ACBD6: variants seen among roughly 807,000 people sequenced by gnomAD.
ACBD6 encodes the protein acyl-CoA binding domain containing 6, also known as acyl-CoA-binding domain-containing protein 6.
A neutral mutation model predicts 37.2 loss-of-function variants in ACBD6; 28 were observed. That is an observed-to-expected ratio of 0.75 (90% CI 0.56 to 1.03). The LOEUF (loss-of-function observed/expected upper bound fraction) is 1.03. Among genes scored for constraint, ACBD6 ranks in the 50% least tolerant of loss-of-function variants. The pLI is 0.00. For missense variants in ACBD6, 340 were observed against 337.4 expected (o/e 1.01, Z -0.06); for synonymous variants, 113 against 126.8 (o/e 0.89, Z 0.73).
At chr1:180,333,389 G>A (rs534173711) in intron 6 of ACBD6, among the ~76,000 whole-genome samples, 2 of 152,244 alleles carry the variant, frequency 1.3e-5, no homozygotes, top group African/African-American at 4.8e-5. Context: ...ATATGCTATT[G>A]CATGCTCATG....
intron 6 of ACBD6, among the ~76,000 whole-genome samples, chr1:180,381,537 T>G (rs1211162901): frequency 6.6e-6 from 1 of 152,064 alleles, no homozygotes; most frequent in Non-Finnish European, 1.5e-5. Context: ...CACAATGGAA[T>G]AAAACTAGAA....
intron 13 of ACBD6, chr1:180,272,070 T>C: frequency 6.1e-6 from 9 of 1,475,968 alleles, no homozygotes; most frequent in Non-Finnish European, 8.3e-6. Context: ...CTGTAATCCC[T>C]GGCACTCAGG....
chr1:180,319,935 TG>T (rs1315335043), intron 6 of ACBD6, among the ~76,000 whole-genome samples: 11 of 152,242 alleles, frequency 7.2e-5, no homozygotes, highest in African/African-American at 2.7e-4. Flanking sequence ...CTCCAAATCC[TG>T]GCTATTGCAA....
At chr1:180,375,460 G>C (rs1653398360) in intron 6 of ACBD6, among the ~76,000 whole-genome samples, 1 of 152,088 alleles carries the variant, frequency 6.6e-6, no homozygotes, top group Non-Finnish European at 1.5e-5. Flanking sequence ...TGAGTAGCTG[G>C]GACGAGAGGT....
At chr1:180,387,948 G>A (rs1216729710) in intron 6 of ACBD6, among the ~76,000 whole-genome samples, 3 of 151,996 alleles carry the variant, frequency 2.0e-5, no homozygotes, top group Non-Finnish European at 4.4e-5. Context: ...GGCCGAGGCG[G>A]GCAGATCACA....
chr1:180,428,433 T>C (rs914640172), intron 4 of ACBD6, among the ~76,000 whole-genome samples: 1 of 152,242 alleles, frequency 6.6e-6, no homozygotes, highest in Non-Finnish European at 1.5e-5. Context: ...TGTATTATTC[T>C]TTGTCATTGT....
intron 3 of ACBD6, among the ~76,000 whole-genome samples, chr1:180,450,869 G>T (rs369415536): frequency 6.6e-6 from 1 of 152,050 alleles, no homozygotes; most frequent in African/African-American, 2.4e-5. Context: ...AAACAATAAC[G>T]ATACCAAAAC....
chr1:180,435,764 T>C lies in ACBD6; in HGVS notation c.385-5502A>G, dbSNP rs74132846. On this transcript the variant is annotated intron_variant, in intron 3 of 7. Transcript: ENST00000367595. ...CACGCACTTCAGAATAGCAGCCAAG[T>C]ATCAGATTGACTCTGACAGCTGCTT... 424 of 855,122 alleles carry C rather than the reference T, an allele frequency of 5.0e-4. 1 individual carries two copies. The African/African-American group carries it at 6.4e-3, about 13-fold the overall frequency. The allele number at this position is 855,122 out of a possible 1,614,324, so 53.0% of individuals were successfully genotyped here.
At chr1:180,443,769 C>T (rs192878539) in intron 3 of ACBD6, among the ~76,000 whole-genome samples, 5,390 of 136,786 alleles carry the variant, frequency 0.039, 105 homozygotes, top group South Asian at 0.074. Flanking sequence ...CCCGCCACCA[C>T]GCCCAGCTAA....
intron 7 of ACBD6, among the ~76,000 whole-genome samples, chr1:180,296,192 T>C (rs1005414499): frequency 7.9e-5 from 12 of 152,152 alleles, no homozygotes; most frequent in African/African-American, 1.9e-4. Context: ...CAAAGTCTAA[T>C]CCACAGCAAG....
chr1:180,442,099 G>A (rs188701873), intron 3 of ACBD6, among the ~76,000 whole-genome samples: 4 of 152,316 alleles, frequency 2.6e-5, no homozygotes, highest in African/African-American at 9.6e-5. Context: ...ATTGACTTCA[G>A]ATTTCTGAAA....
chr1:180,492,451 C>T lies in ACBD6; in HGVS notation c.288-86G>A, dbSNP rs1279815305. On this transcript the variant is annotated intron_variant, in intron 2 of 7. Coordinates refer to ENST00000367595, the MANE Select transcript of ACBD6 (RefSeq NM_032360.4). ...CTTATTATTAAAAAAACTGTATGCA[C>T]ATTTCAAGGGTCTCTGAATATAGAG... The T allele has an allele frequency of 4.0e-6, 4 of 998,662 alleles. No individual in the cohort carries two copies. The Admixed American group carries it at 7.3e-5, about 18-fold the overall frequency. The allele number at this position is 998,662 out of a possible 1,614,324, so 61.9% of individuals were successfully genotyped here. A position where few individuals can be genotyped will look rare whatever the true frequency, so the allele number is the denominator to read the frequency against.
At chr1:180,312,023 C>T (rs747179290) in intron 7 of ACBD6, among the ~76,000 whole-genome samples, 7 of 152,142 alleles carry the variant, frequency 4.6e-5, no homozygotes, top group African/African-American at 9.7e-5. Context: ...AGAACAAGTC[C>T]TTCTTTCTTG....
intron 6 of ACBD6, among the ~76,000 whole-genome samples, chr1:180,319,450 G>A (rs1650966040): frequency 6.6e-6 from 1 of 152,182 alleles, no homozygotes; most frequent in Admixed American, 6.5e-5. Context: ...TTCACATCAT[G>A]ATAAATGGGG....
At chr1:180,337,113 C>A (rs1651754099) in intron 6 of ACBD6, among the ~76,000 whole-genome samples, 1 of 152,090 alleles carries the variant, frequency 6.6e-6, no homozygotes. Flanking sequence ...GAAACTATTC[C>A]AATTAATAGA....
intron 3 of ACBD6, among the ~76,000 whole-genome samples, chr1:180,434,028 CA>C (rs766953210): frequency 2.6e-5 from 4 of 152,032 alleles, no homozygotes; most frequent in Non-Finnish European, 5.9e-5. Context: ...CCTTGTAAAC[CA>C]AAAATAAAGT....
chr1:180,467,860 T>C (rs1287652395), intron 3 of ACBD6, among the ~76,000 whole-genome samples: 2 of 152,128 alleles, frequency 1.3e-5, no homozygotes, highest in Non-Finnish European at 1.5e-5. Flanking sequence ...AAGCAAACAA[T>C]GCTACATTGT....
chr1:180,447,052 CA>C (rs1364703865), intron 3 of ACBD6, among the ~76,000 whole-genome samples: 2 of 151,764 alleles, frequency 1.3e-5, no homozygotes, highest in African/African-American at 4.8e-5. Flanking sequence ...AACAAACAAA[CA>C]AAAAAACCCA....
chr1:180,367,777 T>C lies in ACBD6; in HGVS notation c.663+29739A>G, dbSNP rs992198923. 3.3e-5 allele frequency among the ~76,000 whole-genome samples: 5 copies of C among 152,224 alleles called. No homozygotes were observed. The East Asian group carries it at 9.6e-4, about 29-fold the overall frequency. On this transcript the variant is annotated intron_variant, in intron 6 of 7. Transcript: ENST00000367595. ...TGATGTATATGTACCACATTTTCTT[T>C]ATCTAGTCTGTCACTGATGGGCATT... is the stretch of plus-strand genomic sequence containing the variant.
Sources: gnomAD v4.1 joint callset for allele counts (sites outside exome capture counted in the v4.1 genomes callset) on GRCh38, gnomAD v4.1.1 for gene constraint, MANE v1.5 for transcripts, NCBI Gene and HGNC (gene_info 2026-07-23, HGNC 2026-07-21) for gene names.